Variants in KCNG2 observed in about 807,000 individuals in gnomAD.
The protein encoded by KCNG2 is voltage-gated potassium channel regulatory subunit KCNG2.
Under a neutral mutation model 12.3 loss-of-function variants are expected in KCNG2, and 7 were observed. That is an observed-to-expected ratio of 0.57 (90% CI 0.32 to 1.07). KCNG2 has a LOEUF of 1.07. Ranked by LOEUF, KCNG2 falls within the 50% of genes least tolerant of loss-of-function variation. KCNG2 has a pLI of 0.04. For synonymous variants in KCNG2, 414 were observed against 351.4 expected, an observed-to-expected ratio of 1.18 and a Z score of -1.99; for missense variants, 703 against 726.0, an observed-to-expected ratio of 0.97 and a Z score of 0.36.
In KCNG2 at chr18:79,809,777, G is replaced by T. The variant is rs867493773; in HGVS notation, c.-115+11763G>T. The stretch of plus-strand genomic sequence containing the variant: ...ACTTTTCGGATGCTGCAGCCCAGGC[G>T]TCCTACTGCACACTAGGAGCTGTGG... On this transcript the variant is annotated intron_variant, in intron 1 of 3. Transcript: ENST00000316249. Among the ~76,000 whole-genome samples, 6 of 152,332 alleles carry T rather than the reference G, an allele frequency of 3.9e-5. No individual in the cohort carries two copies. The South Asian group carries it at 1.0e-3, about 26-fold the overall frequency.
chr18:79,850,271 T>C (rs1162469486), intron 1 of KCNG2, among the ~76,000 whole-genome samples: 2 of 152,242 alleles, frequency 1.3e-5, no homozygotes, highest in African/African-American at 4.8e-5. Flanking sequence ...TCCCTCTCCA[T>C]GCAGAGGTGA....
chr18:79,897,029 G>A (rs997873568), intron 3 of KCNG2, among the ~76,000 whole-genome samples: 5 of 152,038 alleles, frequency 3.3e-5, no homozygotes, highest in Admixed American at 6.6e-5. Context: ...TTTGACCTTC[G>A]TTACTTGTAT....
chr18:79,869,255 G>A (rs527773863), intron 3 of KCNG2, among the ~76,000 whole-genome samples: 16 of 138,872 alleles, frequency 1.2e-4, no homozygotes, highest in South Asian at 2.3e-4. Context: ...CCTGCACAGG[G>A]GCAGTAGCTC....
chr18:79,864,291 G>A lies in KCNG2; in HGVS notation c.624G>A (p.Arg208=). Residue 208 remains arginine, a splice_region_variant and synonymous_variant, in exon 3 of 4, where the codon CGG becomes CGA. Coordinates refer to ENST00000316249, the MANE Select transcript of KCNG2 (RefSeq NM_012283.2). ...TMPDIRAEEE[R]GECSPKCRSL... ...CGGACATCCGCGCCGAGGAGGAGCG[G>A]GTGAGCGCGGCCGGGGGTGGCGGGG... is the stretch of plus-strand genomic sequence containing the variant. 1.3e-6 allele frequency: 2 copies of A among 1,531,478 alleles called. No homozygotes were observed. The highest frequency in any genetic ancestry group is 1.8e-5 in the Admixed American group (1 of 54,288). 94.9% of individuals were successfully genotyped at this position (1,531,478 alleles called of 1,614,324 possible).
intron 3 of KCNG2, among the ~76,000 whole-genome samples, chr18:79,898,556 G>A (rs1981062515): frequency 6.6e-6 from 1 of 152,248 alleles, no homozygotes; most frequent in African/African-American, 2.4e-5. Flanking sequence ...CCTCCTGACT[G>A]GGAGCTGTGG....
At chr18:79,804,866 C>A (rs1473249028) in intron 1 of KCNG2, among the ~76,000 whole-genome samples, 1 of 152,178 alleles carries the variant, frequency 6.6e-6, no homozygotes, top group African/African-American at 2.4e-5. Flanking sequence ...TTTAAAAAAT[C>A]TTGCGTAAGA....
chr18:79,812,192 G>C (rs2087498053), intron 1 of KCNG2, among the ~76,000 whole-genome samples: 2 of 152,166 alleles, frequency 1.3e-5, no homozygotes, highest in South Asian at 4.1e-4. Context: ...GGGTCGAAGA[G>C]GAAGTCTCAA....
rs1226325826 is a variant in KCNG2 at position 79,846,120 on chromosome 18, C to G, written c.-114-10259C>G. Among the ~76,000 whole-genome samples the G allele has an allele frequency of 5.3e-5, 8 of 151,084 alleles. No homozygotes were observed. In the East Asian group the frequency reaches 1.6e-3, roughly 30 times the overall value. On this transcript the variant is annotated intron_variant, in intron 1 of 3. Coordinates refer to ENST00000316249, the MANE Select transcript of KCNG2 (RefSeq NM_012283.2). ...GGGCGCGGTGGCTCACGCCTGTAATCCCAGCACTTTGGGAGGCCGAGGCAG... is the reference window on the plus strand; with the variant it reads ...GGGCGCGGTGGCTCACGCCTGTAATGCCAGCACTTTGGGAGGCCGAGGCAG...
chr18:79,801,894 CTCA>C (rs1568239788), intron 1 of KCNG2, among the ~76,000 whole-genome samples: 1 of 152,216 alleles, frequency 6.6e-6, no homozygotes, highest in Non-Finnish European at 1.5e-5. Flanking sequence ...GCCCGCGTTT[CTCA>C]TCACACTCAT....
At chr18:79,883,211 A>T (rs1229237134) in intron 3 of KCNG2, among the ~76,000 whole-genome samples, 1 of 149,768 alleles carries the variant, frequency 6.7e-6, no homozygotes, top group South Asian at 2.2e-4. Context: ...CGTCTATGGG[A>T]TACCTGGGAA....
At chr18:79,891,486 C>T (rs1980742784) in intron 3 of KCNG2, among the ~76,000 whole-genome samples, 1 of 152,148 alleles carries the variant, frequency 6.6e-6, no homozygotes, top group African/African-American at 2.4e-5. Context: ...CTGCCTCGGC[C>T]TCCCAAAATG....
chr18:79,862,048 C>T (rs1292328647), intron 2 of KCNG2, among the ~76,000 whole-genome samples: 1 of 152,074 alleles, frequency 6.6e-6, no homozygotes, highest in Admixed American at 6.6e-5. Context: ...TCACAAATTC[C>T]TCTAGCTCTT....
chr18:79,872,086 G>C (rs931348062), intron 3 of KCNG2, among the ~76,000 whole-genome samples: 1 of 152,102 alleles, frequency 6.6e-6, no homozygotes, highest in Admixed American at 6.5e-5. Flanking sequence ...GCAGAGGCTC[G>C]TGGAGGCCTG....
At chr18:79,858,260 C>G (rs1451251208) in intron 2 of KCNG2, among the ~76,000 whole-genome samples, 10 of 152,234 alleles carry the variant, frequency 6.6e-5, no homozygotes, top group Non-Finnish European at 1.5e-4. Context: ...CCTCAGCCTC[C>G]CAAAATGCTG....
intron 3 of KCNG2, among the ~76,000 whole-genome samples, chr18:79,891,144 G>A (rs1384623795): frequency 6.6e-6 from 1 of 152,260 alleles, no homozygotes; most frequent in South Asian, 2.1e-4. Flanking sequence ...AGGGTGGAGT[G>A]TGAGCTTATT....
chr18:79,889,478 TTTTG>T (rs1262894938), intron 3 of KCNG2, among the ~76,000 whole-genome samples: 5 of 69,186 alleles, frequency 7.2e-5, no homozygotes, highest in Admixed American at 1.6e-4. Flanking sequence ...TTTTTTGTTC[TTTTG>T]TTTTAGTTAT....
rs1162742507 is a variant in KCNG2, at chr18:79,872,280, GTTTTT to G, written c.624+8008_624+8012del. On this transcript the variant is annotated intron_variant, in intron 3 of 3. Transcript: ENST00000316249. ...CTGATATAAAAGCTTCAAAGCTTCA[GTTTTT>G]TTTTTTTTTTTTTTTTTTGAGATGG... Among the ~76,000 whole-genome samples, 13 of 73,414 alleles carry G rather than the reference GTTTTT, an allele frequency of 1.8e-4. No homozygotes were observed. In the East Asian group the frequency reaches 4.2e-3, roughly 23 times the overall value. 48.2% of individuals were successfully genotyped at this position (73,414 alleles called of 152,430 possible).
Position 79,863,790 on chromosome 18 carries a change from G to A in KCNG2, c.123G>A (p.Ala41=), listed in dbSNP as rs780142518. Residue 41 remains alanine, a synonymous_variant, in exon 3 of 4, where the codon GCG becomes GCA. Transcript: ENST00000316249. ...AWAALARCPL[A]RLERLRACRG... ...CCGCGCTGGCGCGATGCCCCCTCGC[G>A]CGCCTGGAGCGCCTGCGCGCCTGCC... 7.7e-6 allele frequency: 10 copies of A among 1,291,342 alleles called. No individual in the cohort carries two copies. The highest frequency in any genetic ancestry group is 2.7e-4 in the Middle Eastern group (1 of 3,702). 80.0% of individuals were successfully genotyped at this position (1,291,342 alleles called of 1,614,324 possible). A position where few individuals can be genotyped will look rare whatever the true frequency, so the allele number is the denominator to read the frequency against.
rs1980464841 is a variant in KCNG2 at position 79,884,907 on chromosome 18, G to A, written c.625-14133G>A. Among the ~76,000 whole-genome samples the A allele has an allele frequency of 6.6e-6, 1 of 152,162 alleles. No homozygotes were observed. Among genetic ancestry groups the A allele is most frequent in the South Asian group, 2.1e-4 (1 of 4,828 alleles). On this transcript the variant is annotated intron_variant, in intron 3 of 3. Transcript: ENST00000316249. The surrounding 1 kb of genome is among the most constrained non-coding windows in gnomAD (Gnocchi z 5.5). ...CAGCCAAGACACCATCCCTGAAACT[G>A]TGATAATGAGAGCGTCCTGACACCA...
Sources: allele counts gnomAD v4.1 joint callset (sites outside exome capture counted in the v4.1 genomes callset), GRCh38; gene constraint gnomAD v4.1.1; non-coding constraint Gnocchi (gnomAD v3.1); transcripts MANE v1.5; gene names NCBI Gene and HGNC (gene_info 2026-07-23, HGNC 2026-07-21).